KANK1: variants seen among roughly 807,000 people sequenced by gnomAD.
The protein encoded by KANK1 is KN motif and ankyrin repeat domains 1.
In KANK1, 109 loss-of-function variants were observed where a neutral mutation model predicts 106.2. The ratio of observed to expected loss-of-function variants is 1.03; its 90% CI spans 0.88 to 1.20. KANK1 has a LOEUF of 1.20. Ranked by LOEUF, KANK1 falls within the 50% of genes most tolerant of loss-of-function variation. The pLI is 0.00. For missense variants in KANK1, 2,399 were observed against 1,710.7 expected (o/e 1.40, Z -7.10); for synonymous variants, 873 against 652.2 (o/e 1.34, Z -5.16).
At chr9:645,566 C>G (rs1839491431) in intron 1 of KANK1, among the ~76,000 whole-genome samples, 1 of 148,308 alleles carries the variant, frequency 6.7e-6, no homozygotes, top group African/African-American at 2.6e-5. Context: ...AATTTTTATA[C>G]ATTAGGGATT....
intron 1 of KANK1, among the ~76,000 whole-genome samples, chr9:649,836 T>C (rs1840494324): frequency 6.6e-6 from 1 of 152,186 alleles, no homozygotes; most frequent in African/African-American, 2.4e-5. Context: ...CATATGCACC[T>C]CCTTTGGTGT....
chr9:620,640 C>G (rs1223412635), intron 1 of KANK1, among the ~76,000 whole-genome samples: 1 of 152,098 alleles, frequency 6.6e-6, no homozygotes, highest in African/African-American at 2.4e-5. Flanking sequence ...TGCCTGACCT[C>G]ATGATCCAGC....
intron 1 of KANK1, among the ~76,000 whole-genome samples, chr9:629,684 A>C (rs186913294): frequency 1.5e-4 from 23 of 152,350 alleles, no homozygotes; most frequent in African/African-American, 5.1e-4. Context: ...CAACTCAGTT[A>C]CAGTGCCTCA....
intron 3 of KANK1, among the ~76,000 whole-genome samples, chr9:726,713 G>A (rs889865636): frequency 1.1e-4 from 17 of 151,826 alleles, no homozygotes; most frequent in Non-Finnish European, 2.9e-5. Context: ...TAATCCCAAC[G>A]CTTTGGGAGG....
intron 1 of KANK1, among the ~76,000 whole-genome samples, chr9:634,048 C>T (rs1738411165): frequency 6.6e-6 from 1 of 152,218 alleles, no homozygotes; most frequent in Non-Finnish European, 1.5e-5. Context: ...AAATGAACTT[C>T]TGGGGTTAAT....
intron 2 of KANK1, among the ~76,000 whole-genome samples, chr9:679,222 C>T (rs79159672): frequency 0.054 from 8,154 of 152,098 alleles, 232 homozygotes; most frequent in African/African-American, 0.067. Context: ...TTTACTTATT[C>T]TAGTCACCAT....
At chr9:660,195 A>G (rs1234066083) in intron 1 of KANK1, 5 of 289,110 alleles carry the variant, frequency 1.7e-5, no homozygotes, top group African/African-American at 4.5e-5. Flanking sequence ...TTTGCCTGCA[A>G]TGATACTGTA....
At chr9:707,156 G>C in intron 2 of KANK1, 1 of 985,528 alleles carries the variant, frequency 1.0e-6, no homozygotes, top group Non-Finnish European at 1.2e-6. Context: ...CACGGGGTGA[G>C]GATCGAGGGC....
Position 711,702 on chromosome 9 carries a change from C to G in KANK1, c.936C>G (p.Ser312=), listed in dbSNP as rs183140187. ...VSQLKNQRAA[S]QINVCGVRKR... The stretch of plus-strand genomic sequence containing the variant: ...AGCTGAAAAACCAAAGGGCTGCATC[C>G]CAGATCAATGTCTGTGGTGTGAGGA... The change falls in exon 3 of 12, where the codon TCC becomes TCG. Residue 312 remains serine (S), a synonymous_variant. Coordinates refer to ENST00000382297, the MANE Select transcript of KANK1 (RefSeq NM_015158.5). 7.4e-6 allele frequency: 12 copies of G among 1,614,182 alleles called. No homozygotes were observed. In the East Asian group the frequency reaches 1.6e-4, roughly 21 times the overall value.
intron 2 of KANK1, chr9:706,975 T>A (rs1161870597): frequency 2.1e-5 from 21 of 985,370 alleles, no homozygotes; most frequent in Non-Finnish European, 2.5e-5. Flanking sequence ...GAACACACAT[T>A]TTCAGAAGAT....
At chr9:506,184 C>G (rs2058748961) in intron 1 of KANK1, among the ~76,000 whole-genome samples, 1 of 152,166 alleles carries the variant, frequency 6.6e-6, no homozygotes, top group Admixed American at 6.5e-5. Context: ...CAGCCCTTCT[C>G]CCTCATTTTA....
chr9:471,810 T>A (rs539255801), intron 2 of KANK1, among the ~76,000 whole-genome samples: 9 of 152,218 alleles, frequency 5.9e-5, no homozygotes, highest in African/African-American at 2.2e-4. Context: ...GAGAGAATCG[T>A]TTGCACTTAG....
intron 6 of KANK1, chr9:733,164 C>T (rs1832781259): frequency 6.6e-6 from 1 of 152,246 alleles, no homozygotes; most frequent in South Asian, 2.1e-4. Context: ...AGCTGAAAAA[C>T]ACTCTGGTTG....
At chr9:515,288 T>TG (rs1457685647) in intron 1 of KANK1, among the ~76,000 whole-genome samples, 3 of 148,620 alleles carry the variant, frequency 2.0e-5, no homozygotes, top group Admixed American at 1.4e-4. Flanking sequence ...GAGCTTGCAG[T>TG]GAGCCGAGAT....
chr9:655,554 T>C (rs1278364088), intron 1 of KANK1, among the ~76,000 whole-genome samples: 1 of 152,122 alleles, frequency 6.6e-6, no homozygotes, highest in African/African-American at 2.4e-5. Flanking sequence ...ATTGATTCTG[T>C]AGGTCTAGGG....
intron 2 of KANK1, among the ~76,000 whole-genome samples, chr9:703,603 G>C (rs186183857): frequency 3.9e-5 from 6 of 152,242 alleles, no homozygotes; most frequent in Non-Finnish European, 8.8e-5. Flanking sequence ...GATTTCAGTT[G>C]CAGATATAGC....
chr9:745,200 T>C lies in KANK1; in HGVS notation c.4024T>C (p.Ser1342Pro). 1.2e-6 allele frequency: 2 copies of C among 1,614,144 alleles called. No individual in the cohort carries two copies. Among genetic ancestry groups the C allele is most frequent in the Non-Finnish European group, 1.7e-6 (2 of 1,179,996 alleles). ...CACCCCTAGGCTTGGAAGGAAGACG[T>C]CTCCTGGCCCCACCCACCGAGGTTC... ...PGTPRLGRKTSPGPTHRGSFD is the reference protein window; with the variant it reads ...PGTPRLGRKTPPGPTHRGSFD Residue 1342 changes from serine to proline, a missense_variant, in exon 12 of 12, where the codon TCT becomes CCT. Coordinates refer to ENST00000382297, the MANE Select transcript of KANK1 (RefSeq NM_015158.5).
chr9:540,817 A>G (rs552777939), intron 1 of KANK1: 4 of 152,326 alleles, frequency 2.6e-5, no homozygotes, highest in South Asian at 4.1e-4. Context: ...ATATTTGTCT[A>G]TAGTAGTATC....
At chr9:679,697 G>A (rs1052039842) in intron 2 of KANK1, among the ~76,000 whole-genome samples, 14 of 152,234 alleles carry the variant, frequency 9.2e-5, no homozygotes, top group East Asian at 5.8e-4. Flanking sequence ...ATGAGCCACC[G>A]CACCCAGCTG....
Sources: allele counts gnomAD v4.1 joint callset (sites outside exome capture counted in the v4.1 genomes callset), GRCh38; gene constraint gnomAD v4.1.1; transcripts MANE v1.5; gene names NCBI Gene and HGNC (gene_info 2026-07-23, HGNC 2026-07-21).